HOMER2: variants seen among roughly 807,000 people sequenced by gnomAD.
HOMER2 encodes the protein homer scaffold protein 2.
Under a neutral mutation model 47.0 loss-of-function variants are expected in HOMER2, and 27 were observed. The observed-to-expected ratio is 0.57, with a 90% CI of 0.42 to 0.79. HOMER2 has a LOEUF of 0.79. HOMER2 is among the 30% of genes least tolerant of loss of function. The probability of loss-of-function intolerance (pLI) is 0.00; values close to 1 mark genes in which losing one functional copy is unlikely to be tolerated. For missense variants in HOMER2, 443 were observed against 435.0 expected (o/e 1.02, Z -0.16); for synonymous variants, 161 against 163.8 (o/e 0.98, Z 0.13).
intron 1 of HOMER2, among the ~76,000 whole-genome samples, chr15:82,960,845 G>T (rs193005497): frequency 2.0e-5 from 3 of 152,208 alleles, no homozygotes; most frequent in Admixed American, 2.0e-4. Context: ...TCTATGTGAG[G>T]TCTTCTGGAA....
intron 1 of HOMER2, among the ~76,000 whole-genome samples, chr15:82,961,063 T>G (rs758903423): frequency 3.9e-5 from 6 of 152,220 alleles, no homozygotes; most frequent in Non-Finnish European, 8.8e-5. Flanking sequence ...TGGCCCCAAA[T>G]GAGCAGACCA....
chr15:82,876,110 G>A (rs2052342155), intron 2 of HOMER2, among the ~76,000 whole-genome samples: 1 of 152,142 alleles, frequency 6.6e-6, no homozygotes, highest in South Asian at 2.1e-4. Context: ...TCAGCACATG[G>A]CAACCTCACA....
At chr15:82,892,645 A>C in intron 2 of HOMER2, 40 bp downstream of exon 2, 1 of 1,422,296 alleles carries the variant, frequency 7.0e-7, no homozygotes, top group East Asian at 2.4e-5. Flanking sequence ...GATGAAAGAT[A>C]AGCAACTGGG....
At chr15:82,863,001 C>T (rs949571940) in intron 4 of HOMER2, among the ~76,000 whole-genome samples, 5 of 152,224 alleles carry the variant, frequency 3.3e-5, no homozygotes, top group Middle Eastern at 3.4e-3. Flanking sequence ...TGCTGGCTCC[C>T]ATTTCATAAC....
At chr15:82,851,957 G>A (rs568242269) in intron 7 of HOMER2, among the ~76,000 whole-genome samples, 185 bp downstream of exon 7, 23 of 152,208 alleles carry the variant, frequency 1.5e-4, no homozygotes, top group African/African-American at 5.3e-4. Context: ...ACAGGGAGGC[G>A]GCAGAGGTCA....
intron 1 of HOMER2, among the ~76,000 whole-genome samples, chr15:82,906,272 AT>A (rs1410412969): frequency 1.4e-4 from 22 of 152,352 alleles, no homozygotes; most frequent in African/African-American, 4.1e-4. Flanking sequence ...AGAAGAAAAA[AT>A]TGGAACAAAG....
intron 5 of HOMER2, among the ~76,000 whole-genome samples, chr15:82,855,706 G>C (rs775580604): frequency 6.6e-6 from 1 of 152,226 alleles, no homozygotes; most frequent in Non-Finnish European, 1.5e-5. Flanking sequence ...GGGAGCTCTG[G>C]CTGGCCCATA....
At chr15:82,893,353 T>G (rs71412276) in intron 1 of HOMER2, among the ~76,000 whole-genome samples, 1 of 135,816 alleles carries the variant, frequency 7.4e-6, no homozygotes, top group African/African-American at 2.8e-5. Flanking sequence ...TTTTTTTGGA[T>G]ATAGAGTCTC....
intron 1 of HOMER2, among the ~76,000 whole-genome samples, chr15:82,947,492 G>C (rs1017035435): frequency 6.6e-6 from 1 of 152,196 alleles, no homozygotes; most frequent in Non-Finnish European, 1.5e-5. Flanking sequence ...GACAAAATCA[G>C]CTAAAAGTCA....
chr15:82,961,091 C>G (rs900259668), intron 1 of HOMER2, among the ~76,000 whole-genome samples: 6 of 152,230 alleles, frequency 3.9e-5, no homozygotes, highest in Admixed American at 1.3e-4. Context: ...GGCATTTCCA[C>G]CATCTCTCCA....
chr15:82,868,542 T>TATATATATA (rs370867216), intron 3 of HOMER2, among the ~76,000 whole-genome samples: 2,214 of 42,600 alleles, frequency 0.052, 72 homozygotes, highest in Non-Finnish European at 0.059. Context: ...TATATATATA[T>TATATATATA]TTTTTTTTTT....
rs567124591 is a variant in HOMER2 at position 82,888,628 on chromosome 15, G to A, written c.162+4057C>T. Among the ~76,000 whole-genome samples the A allele has an allele frequency of 2.1e-3, 130 of 60,846 alleles. 35 individuals carry two copies. Among genetic ancestry groups the A allele is most frequent in the Non-Finnish European group, 2.4e-3 (86 of 35,124 alleles). 39.9% of individuals were successfully genotyped at this position (60,846 alleles called of 152,430 possible). ...CGTTTCTTAAGCCGGTCTGAAAAGC[G>A]CAATATTCGGGTGGGAGTGATCCGA... On this transcript the variant is annotated intron_variant, in intron 2 of 8. Coordinates refer to ENST00000450735, the MANE Select transcript of HOMER2 (RefSeq NM_004839.4).
At chr15:82,952,940 C>T (rs576984893), upstream of HOMER2, among the ~76,000 whole-genome samples, 1 of 152,212 alleles carries the variant, frequency 6.6e-6, no homozygotes, top group East Asian at 1.9e-4. Context: ...CCCGCGTTGG[C>T]GCGCCCCCGC....
downstream of HOMER2, chr15:82,834,845 G>T (rs1005473765): frequency 1.3e-5 from 2 of 152,138 alleles, no homozygotes; most frequent in African/African-American, 4.8e-5. Context: ...CTAAACATTT[G>T]TTTAAGTGAA....
intron 7 of HOMER2, 150 bp downstream of exon 7, chr15:82,851,992 T>C (rs1171148548): frequency 2.1e-5 from 13 of 616,412 alleles, no homozygotes; most frequent in Middle Eastern, 4.3e-4. Context: ...CTCCAGCCTG[T>C]CTGCACCTTG....
In HOMER2 at chr15:82,849,764, T is replaced by TC; in HGVS notation, c.982dup (p.Asp328GlyfsTer4). ...GAGCCCTCGGCGGAAGTCATGCAGG[T>TC]CGTCAATCTTCCCGTCCAGCACCTC... On this transcript the variant is annotated frameshift_variant, in exon 9 of 9. Transcript: ENST00000450735. LOFTEE classifies it high-confidence loss of function. 1 of 1,613,814 alleles carries TC rather than the reference T, an allele frequency of 6.2e-7. No homozygotes were observed. The highest frequency in any genetic ancestry group is 1.3e-5 in the African/African-American group (1 of 74,992).
At chr15:82,927,318 C>A (rs2053878375) in intron 1 of HOMER2, among the ~76,000 whole-genome samples, 1 of 151,900 alleles carries the variant, frequency 6.6e-6, no homozygotes, top group Non-Finnish European at 1.5e-5. Context: ...CTGTCTGGTT[C>A]ATGGATATCA....
chr15:82,954,459 A>ATT (rs2054565869), upstream of HOMER2, among the ~76,000 whole-genome samples: 3 of 124,554 alleles, frequency 2.4e-5, no homozygotes, highest in African/African-American at 8.6e-5. Flanking sequence ...CACCACGCCC[A>ATT]GTTTTTTTTT....
chr15:82,893,321 AATTTT>A (rs1004049563), intron 1 of HOMER2, among the ~76,000 whole-genome samples: 2 of 147,848 alleles, frequency 1.4e-5, no homozygotes, highest in East Asian at 2.0e-4. Flanking sequence ...TGAATGACAT[AATTTT>A]ATCTTTTTTT....
Sources: allele counts gnomAD v4.1 joint callset (sites outside exome capture counted in the v4.1 genomes callset), GRCh38; gene constraint gnomAD v4.1.1; transcripts MANE v1.5; gene names NCBI Gene and HGNC (gene_info 2026-07-23, HGNC 2026-07-21).